The following BAIAP2 variants were observed in gnomAD, a reference collection of about 807,000 sequenced individuals.
The protein encoded by BAIAP2 is BAR/IMD domain containing adaptor protein 2.
In BAIAP2, 18 loss-of-function variants were observed where a neutral mutation model predicts 63.0. That is an observed-to-expected ratio of 0.29 (90% CI 0.20 to 0.42). The LOEUF (loss-of-function observed/expected upper bound fraction) is 0.42, where lower values mean the gene tolerates loss of function less well. Ranked by LOEUF, BAIAP2 falls within the 10% of genes least tolerant of loss-of-function variation. The pLI, the probability that BAIAP2 is intolerant of heterozygous loss-of-function variation, is 1.00. For missense variants in BAIAP2, 610 were observed against 734.3 expected (o/e 0.83, Z 1.96); for synonymous variants, 386 against 307.6 (o/e 1.25, Z -2.67).
chr17:81,115,442 C>T (rs2060427064), intron 13 of BAIAP2, among the ~76,000 whole-genome samples: 2 of 152,230 alleles, frequency 1.3e-5, no homozygotes, highest in Admixed American at 1.3e-4. Flanking sequence ...GTGATGTCCG[C>T]CCCTCACTGG....
intron 6 of BAIAP2, among the ~76,000 whole-genome samples, chr17:81,091,356 C>T (rs1233874149): frequency 6.6e-6 from 1 of 152,120 alleles, no homozygotes; most frequent in African/African-American, 2.4e-5. Flanking sequence ...CTTCACCGGC[C>T]TCTCCATTCC....
Position 81,103,742 on chromosome 17 carries a change from G to A in BAIAP2, c.864+19G>A, listed in dbSNP as rs371555896. 8.8e-4 allele frequency: 1,034 copies of A among 1,173,926 alleles called. 13 individuals carry two copies. In the South Asian group the frequency reaches 0.012, roughly 13 times the overall value. 72.7% of individuals were successfully genotyped at this position (1,173,926 alleles called of 1,614,324 possible). On this transcript the variant is annotated intron_variant, in intron 8 of 13. Coordinates refer to ENST00000428708, the MANE Select transcript of BAIAP2 (RefSeq NM_001144888.2). The stretch of plus-strand genomic sequence containing the variant: ...CGTGGGGGTGAGTCTGTGGCCTCTG[G>A]AAAGCTTCACGGGTGTGGGTGGGAG...
intron 1 of BAIAP2, among the ~76,000 whole-genome samples, chr17:81,039,896 C>T (rs1045946262): frequency 6.6e-5 from 10 of 152,148 alleles, no homozygotes; most frequent in Non-Finnish European, 8.8e-5. Flanking sequence ...GCAGACTGGC[C>T]GGGAGGCTGA....
chr17:81,090,987 A>G (rs1003864518), intron 6 of BAIAP2, among the ~76,000 whole-genome samples: 2 of 152,184 alleles, frequency 1.3e-5, no homozygotes, highest in East Asian at 1.9e-4. Context: ...GGGCTGGGGA[A>G]CTGGGCTGGC....
chr17:81,062,444 T>G (rs2050728292), intron 3 of BAIAP2, among the ~76,000 whole-genome samples: 1 of 152,210 alleles, frequency 6.6e-6, no homozygotes, highest in African/African-American at 2.4e-5. Context: ...TCGCTTCATT[T>G]TCAATGCGCC....
chr17:81,114,587 T>C (rs1416667152), intron 13 of BAIAP2, among the ~76,000 whole-genome samples: 1 of 152,074 alleles, frequency 6.6e-6, no homozygotes, highest in Non-Finnish European at 1.5e-5. Context: ...CATCTGGGAG[T>C]CTGGGAGCCT....
At chr17:81,052,497 G>A (rs1324576189) in intron 1 of BAIAP2, among the ~76,000 whole-genome samples, 1 of 152,250 alleles carries the variant, frequency 6.6e-6, no homozygotes, top group Non-Finnish European at 1.5e-5. Context: ...AGTATAGGCA[G>A]GACTGAGGTG....
chr17:81,100,137 C>G, intron 7 of BAIAP2, 57 bp downstream of exon 7: 2 of 1,551,670 alleles, frequency 1.3e-6, no homozygotes, highest in Non-Finnish European at 1.7e-6. Flanking sequence ...CAGAAATGAC[C>G]CAGGCCCCTG....
At chr17:81,050,849 T>G (rs550722937) in intron 1 of BAIAP2, among the ~76,000 whole-genome samples, 113 of 149,412 alleles carry the variant, frequency 7.6e-4, no homozygotes, top group African/African-American at 2.7e-3. Flanking sequence ...CGCATCCTCC[T>G]CACTTGGCTG....
intron 1 of BAIAP2, chr17:81,036,892 T>C: frequency 6.5e-7 from 1 of 1,535,924 alleles, no homozygotes; most frequent in East Asian, 2.4e-5. Context: ...AGCGGAACCT[T>C]TTTCCTATTT....
chr17:81,110,020 T>A (rs1437872370), intron 13 of BAIAP2: 9 of 985,366 alleles, frequency 9.1e-6, no homozygotes, highest in Non-Finnish European at 1.1e-5. Flanking sequence ...TTGGTGACTT[T>A]AGAAACAAAC....
chr17:81,084,708 C>G, intron 3 of BAIAP2, 124 bp from the exon 4 acceptor site: 1 of 890,158 alleles, frequency 1.1e-6, no homozygotes, highest in Non-Finnish European at 1.9e-6. Flanking sequence ...GCCCTGACAC[C>G]CCGGGGGCCC....
intron 13 of BAIAP2, chr17:81,109,531 C>T (rs2059642806): frequency 2.0e-6 from 2 of 985,534 alleles, no homozygotes; most frequent in Non-Finnish European, 1.2e-6. Flanking sequence ...AGGGAAGGTG[C>T]TGGGGTCCCT....
At chr17:81,094,751 A>G (rs889036718) in intron 6 of BAIAP2, among the ~76,000 whole-genome samples, 1 of 152,196 alleles carries the variant, frequency 6.6e-6, no homozygotes, top group Non-Finnish European at 1.5e-5. Flanking sequence ...GCAGGTGGCC[A>G]GTGACCATGT....
chr17:81,044,421 G>T (rs1316201549), intron 1 of BAIAP2, among the ~76,000 whole-genome samples: 2 of 152,244 alleles, frequency 1.3e-5, no homozygotes, highest in Non-Finnish European at 2.9e-5. Flanking sequence ...GTGGCACCTG[G>T]CTCGTCCCTA....
At chr17:81,068,228 CG>C (rs1181878774) in intron 3 of BAIAP2, among the ~76,000 whole-genome samples, 3 of 152,206 alleles carry the variant, frequency 2.0e-5, no homozygotes, top group Non-Finnish European at 2.9e-5. Context: ...GGGTTTGGAG[CG>C]AGTCAGTGGC....
intron 6 of BAIAP2, among the ~76,000 whole-genome samples, chr17:81,091,044 CCCCGCCCCCACTTGTGTGGA>C (rs538392577): frequency 0.21 from 30,554 of 146,450 alleles, 3,819 homozygotes; most frequent in Admixed American, 0.33. Context: ...GTGCATTCCA[CCCCGCCCCCACTTGTGTGGA>C]CCCGCCCCCA....
At position 81,086,213 on chromosome 17, in the gene BAIAP2, G is replaced by C. The variant is rs188080198; in HGVS notation, c.352-230G>C. Among the ~76,000 whole-genome samples, 105 of 151,552 alleles carry C rather than the reference G, an allele frequency of 6.9e-4. No individual in the cohort carries two copies. The East Asian group carries it at 0.019, about 28-fold the overall frequency. ...GTGTGATTTTCATCTTGGGCGACCA[G>C]AGAGCTGCTATGGGGTTGGGTGGGG... is the stretch of plus-strand genomic sequence containing the variant. On this transcript the variant is annotated intron_variant, in intron 5 of 13. Coordinates refer to ENST00000428708, the MANE Select transcript of BAIAP2 (RefSeq NM_001144888.2).
At position 81,035,262 on chromosome 17, in the gene BAIAP2, T is replaced by C; in HGVS notation, c.8T>C (p.Leu3Pro). Reference sequence around the variant, plus strand: ...CAGCCGGGACCCAGGACCATGTCTCTGTCTCGCTCAGAGGAGATGCACCGG... The same window carrying C: ...CAGCCGGGACCCAGGACCATGTCTCCGTCTCGCTCAGAGGAGATGCACCGG... MS[L>P]SRSEEMHRLT... Residue 3 changes from leucine to proline, a missense_variant, in exon 1 of 14, where the codon CTG (leucine) becomes CCG (proline). Leu to Pro is a moderately conservative substitution (Grantham distance 98). Transcript: ENST00000428708. 1 of 1,519,970 alleles carries C rather than the reference T, an allele frequency of 6.6e-7. No homozygotes were observed. The allele number at this position is 1,519,970 out of a possible 1,614,324, so 94.2% of individuals were successfully genotyped here.
Sources: gnomAD v4.1 joint callset for allele counts (sites outside exome capture counted in the v4.1 genomes callset) on GRCh38, gnomAD v4.1.1 for gene constraint, MANE v1.5 for transcripts, NCBI Gene and HGNC (gene_info 2026-07-23, HGNC 2026-07-21) for gene names.